The following KCNG2 variants were observed in gnomAD, a reference collection of about 807,000 sequenced individuals.
KCNG2 encodes the protein potassium voltage-gated channel modifier subfamily G member 2, also known as voltage-gated potassium channel regulatory subunit KCNG2.
In KCNG2, 7 loss-of-function variants were observed where a neutral mutation model predicts 12.3. The ratio of observed to expected loss-of-function variants is 0.57; its 90% CI spans 0.32 to 1.07. The LOEUF is 1.07. KCNG2 is among the 50% of genes least tolerant of loss of function. KCNG2 has a pLI of 0.04. For missense variants in KCNG2, 703 were observed against 726.0 expected (o/e 0.97, Z 0.36); for synonymous variants, 414 against 351.4 (o/e 1.18, Z -1.99).
intron 1 of KCNG2, among the ~76,000 whole-genome samples, chr18:79,841,532 C>T (rs912282820): frequency 2.0e-5 from 3 of 152,078 alleles, no homozygotes; most frequent in Non-Finnish European, 4.4e-5. Flanking sequence ...TATTAAAATG[C>T]GTTTAAAAAC....
chr18:79,826,979 T>C (rs990970527), intron 1 of KCNG2, among the ~76,000 whole-genome samples: 20 of 152,254 alleles, frequency 1.3e-4, no homozygotes, highest in Admixed American at 1.3e-4. Flanking sequence ...TTCTAGGAAA[T>C]TCGCCTTGGC....
chr18:79,807,671 C>A (rs1464787852), intron 1 of KCNG2, among the ~76,000 whole-genome samples: 1 of 152,210 alleles, frequency 6.6e-6, no homozygotes, highest in Non-Finnish European at 1.5e-5. Context: ...AGCTGTGAAG[C>A]CCCCACCTCA....
intron 1 of KCNG2, among the ~76,000 whole-genome samples, chr18:79,798,728 C>A (rs1263042635): frequency 2.6e-5 from 4 of 152,224 alleles, no homozygotes; most frequent in African/African-American, 9.6e-5. Flanking sequence ...CCAGCCTTGC[C>A]CGCCGAGCGC....
chr18:79,862,494 T>G (rs1190641663), intron 2 of KCNG2, among the ~76,000 whole-genome samples: 2 of 152,184 alleles, frequency 1.3e-5, no homozygotes, highest in African/African-American at 4.8e-5. Context: ...CAAGCCTCTG[T>G]CTTATCACCT....
intron 2 of KCNG2, 62 bp from the exon 3 acceptor site, chr18:79,863,566 C>T: frequency 3.6e-6 from 4 of 1,115,440 alleles, no homozygotes; most frequent in South Asian, 8.9e-5. Flanking sequence ...TGGATCCCCG[C>T]GGGCGGACGC....
At chr18:79,870,252 C>T (rs1979778141) in intron 3 of KCNG2, among the ~76,000 whole-genome samples, 1 of 152,240 alleles carries the variant, frequency 6.6e-6, no homozygotes, top group Non-Finnish European at 1.5e-5. Flanking sequence ...TGCCGTGGGC[C>T]CTAATGGCTG....
intron 3 of KCNG2, among the ~76,000 whole-genome samples, chr18:79,883,029 C>T (rs1980378287): frequency 6.6e-6 from 1 of 152,240 alleles, no homozygotes; most frequent in African/African-American, 2.4e-5. Flanking sequence ...TTATTCAGCA[C>T]GGCCTAGCCC....
chr18:79,811,569 A>G (rs755132685), intron 1 of KCNG2, among the ~76,000 whole-genome samples: 2 of 152,202 alleles, frequency 1.3e-5, no homozygotes, highest in Admixed American at 1.3e-4. Flanking sequence ...AAAAAAAGTC[A>G]CTCACCAAGA....
At chr18:79,837,319 C>G (rs981471807) in intron 1 of KCNG2, among the ~76,000 whole-genome samples, 1 of 152,238 alleles carries the variant, frequency 6.6e-6, no homozygotes, top group Non-Finnish European at 1.5e-5. Context: ...TTGCAGGGCA[C>G]AGCCCCCATG....
At chr18:79,823,231 A>T in intron 1 of KCNG2, among the ~76,000 whole-genome samples, 1 of 152,004 alleles carries the variant, frequency 6.6e-6, no homozygotes, top group East Asian at 1.9e-4. Flanking sequence ...CCGTGTAGAC[A>T]CCCGCGTTTA....
rs1981088771 is a variant in KCNG2 at position 79,899,091 on chromosome 18, GT to G, written c.677del (p.Val226GlyfsTer73). 6.2e-7 allele frequency: 1 copy of G among 1,600,730 alleles called. No homozygotes were observed. Among genetic ancestry groups the G allele is most frequent in the Non-Finnish European group, 8.5e-7 (1 of 1,176,698 alleles). ...RSLFVLETVC[V>X]AWFSFEFLLR... ...CCTGTTCGTGCTGGAGACCGTGTGC[GT>G]GGCCTGGTTCTCCTTCGAGTTCCTG... is the stretch of plus-strand genomic sequence containing the variant. On this transcript the variant is annotated frameshift_variant, in exon 4 of 4. Coordinates refer to ENST00000316249, the MANE Select transcript of KCNG2 (RefSeq NM_012283.2). LOFTEE classifies it low-confidence loss of function (END_TRUNC).
intron 1 of KCNG2, among the ~76,000 whole-genome samples, chr18:79,853,985 G>A (rs1978917253): frequency 6.6e-6 from 1 of 152,264 alleles, no homozygotes. Context: ...CCAGTTTCCA[G>A]TGGAATCCAC....
In KCNG2 at chr18:79,820,196, A is replaced by C. The variant is rs1175727202; in HGVS notation, c.-115+22182A>C. On this transcript the variant is annotated intron_variant, in intron 1 of 3. Transcript: ENST00000316249. Reference sequence around the variant, plus strand: ...TGCTGCTCTGAACGTCGGCGCTTGTATCCTCTGTTTGAGTCCCTGTTTTCA... The same window carrying C: ...TGCTGCTCTGAACGTCGGCGCTTGTCTCCTCTGTTTGAGTCCCTGTTTTCA... Among the ~76,000 whole-genome samples, 3 of 152,190 alleles carry C rather than the reference A, an allele frequency of 2.0e-5. No individual in the cohort carries two copies. In the East Asian group the frequency reaches 5.8e-4, roughly 29 times the overall value.
intron 3 of KCNG2, among the ~76,000 whole-genome samples, 157 bp downstream of exon 3, chr18:79,864,448 G>A (rs1454106794): frequency 6.6e-6 from 1 of 151,608 alleles, no homozygotes; most frequent in African/African-American, 2.4e-5. Flanking sequence ...GGCCGGGGCC[G>A]GGCTGGAGGC....
chr18:79,831,821 C>T (rs1978297781), intron 1 of KCNG2, among the ~76,000 whole-genome samples: 1 of 152,328 alleles, frequency 6.6e-6, no homozygotes, highest in Non-Finnish European at 1.5e-5. Flanking sequence ...CAGGATGTGC[C>T]GTCCTCCCAC....
chr18:79,804,172 C>A (rs927033587), intron 1 of KCNG2, among the ~76,000 whole-genome samples: 5 of 152,210 alleles, frequency 3.3e-5, no homozygotes, highest in African/African-American at 1.2e-4. Context: ...AATCTGGCCA[C>A]CTTCACTGCA....
Position 79,864,159 on chromosome 18 carries a change from C to T in KCNG2, c.492C>T (p.Arg164=), listed in dbSNP as rs1232889961. The T allele has an allele frequency of 2.0e-6, 3 of 1,471,226 alleles. No homozygotes were observed. Among genetic ancestry groups the T allele is most frequent in the Admixed American group, 2.3e-5 (1 of 43,376 alleles). The allele number at this position is 1,471,226 out of a possible 1,614,324, so 91.1% of individuals were successfully genotyped here. ...GRLQRGRRRL[R]DVVDNPHSGL... Reference sequence around the variant, plus strand: ...TGCAGCGCGGCCGGCGGCGCCTGCGCGACGTGGTGGACAACCCGCACTCGG... The same window carrying T: ...TGCAGCGCGGCCGGCGGCGCCTGCGTGACGTGGTGGACAACCCGCACTCGG... The change falls in exon 3 of 4, where the codon CGC becomes CGT. Residue 164 remains arginine (R), a synonymous_variant. Coordinates refer to ENST00000316249, the MANE Select transcript of KCNG2 (RefSeq NM_012283.2).
intron 3 of KCNG2, among the ~76,000 whole-genome samples, chr18:79,877,576 GC>G (rs951479596): frequency 1.3e-5 from 2 of 150,960 alleles, no homozygotes; most frequent in Non-Finnish European, 3.0e-5. Context: ...TCACACCTCC[GC>G]CCCCCCCGAG....
At chr18:79,898,975 G>A (rs1981081340) in intron 3 of KCNG2, 65 bp from the exon 4 acceptor site, 1 of 1,267,672 alleles carries the variant, frequency 7.9e-7, no homozygotes, top group Non-Finnish European at 1.0e-6. Context: ...GGGAAAGGAA[G>A]GGCAAGGCGC....
Sources: gnomAD v4.1 joint callset for allele counts (sites outside exome capture counted in the v4.1 genomes callset) on GRCh38, gnomAD v4.1.1 for gene constraint, MANE v1.5 for transcripts, NCBI Gene and HGNC (gene_info 2026-07-23, HGNC 2026-07-21) for gene names.